Variants in RBFOX1 observed in about 807,000 individuals in gnomAD.
RBFOX1 encodes RNA binding fox-1 homolog 1.
In RBFOX1, 8 loss-of-function variants were observed where a neutral mutation model predicts 57.7. The observed-to-expected ratio is 0.14, with a 90% CI of 0.08 to 0.25. The LOEUF (loss-of-function observed/expected upper bound fraction) is 0.25, where lower values mean the gene tolerates loss of function less well. Ranked by LOEUF, RBFOX1 falls within the 10% of genes least tolerant of loss-of-function variation. RBFOX1 has a pLI of 1.00. For synonymous variants in RBFOX1, 326 were observed against 222.4 expected, an observed-to-expected ratio of 1.47 and a Z score of -4.15; for missense variants, 611 against 548.5, an observed-to-expected ratio of 1.11 and a Z score of -1.14.
intron 3 of RBFOX1, among the ~76,000 whole-genome samples, chr16:6,709,804 G>A (rs1046821638): frequency 2.0e-5 from 3 of 152,088 alleles, no homozygotes; most frequent in African/African-American, 7.2e-5. Flanking sequence ...GTATCTTGGA[G>A]GCAGAGAGCT....
At chr16:5,632,108 C>T (rs2048529627) in intron 3 of RBFOX1, among the ~76,000 whole-genome samples, 1 of 152,172 alleles carries the variant, frequency 6.6e-6, no homozygotes, top group African/African-American at 2.4e-5. Flanking sequence ...TCTGTGTGTG[C>T]CCAGAAGAGG....
intron 3 of RBFOX1, among the ~76,000 whole-genome samples, chr16:6,822,382 T>C (rs1190075818): frequency 1.3e-5 from 2 of 152,352 alleles, no homozygotes; most frequent in Admixed American, 6.5e-5. Context: ...AGAATTTGGC[T>C]GTCAGGGGAG....
intron 1 of RBFOX1, among the ~76,000 whole-genome samples, chr16:5,264,776 C>G (rs2062818006): frequency 2.6e-5 from 4 of 152,190 alleles, no homozygotes; most frequent in Admixed American, 1.3e-4. Flanking sequence ...ACAGGGCTCT[C>G]TAGCATTCTT....
At chr16:6,310,010 C>G (rs1159526010) in intron 1 of RBFOX1, among the ~76,000 whole-genome samples, 2 of 152,096 alleles carry the variant, frequency 1.3e-5, no homozygotes, top group Non-Finnish European at 2.9e-5. Context: ...GCCTCAGCCT[C>G]CCGAGGAGCT....
intron 4 of RBFOX1, among the ~76,000 whole-genome samples, chr16:7,054,474 C>G (rs2051352588): frequency 6.8e-6 from 1 of 147,834 alleles, no homozygotes; most frequent in Non-Finnish European, 1.5e-5. Context: ...ATCTCCTGAC[C>G]TCGTGATCCG....
At chr16:6,741,770 C>G (rs558275355) in intron 3 of RBFOX1, among the ~76,000 whole-genome samples, 4 of 151,938 alleles carry the variant, frequency 2.6e-5, no homozygotes, top group South Asian at 4.2e-4. Context: ...AATTTCATAT[C>G]TAATAAAGAA....
intron 1 of RBFOX1, among the ~76,000 whole-genome samples, chr16:5,351,824 A>G (rs1375679858): frequency 1.3e-5 from 2 of 152,080 alleles, no homozygotes; most frequent in Non-Finnish European, 2.9e-5. Flanking sequence ...AATTTTTGAG[A>G]CAGAGTTTCA....
At chr16:6,971,372 A>G (rs1370067081) in intron 3 of RBFOX1, among the ~76,000 whole-genome samples, 2 of 152,072 alleles carry the variant, frequency 1.3e-5, no homozygotes, top group East Asian at 3.9e-4. Flanking sequence ...GACTCAGCCT[A>G]AAGTGGGGAG....
intron 1 of RBFOX1, among the ~76,000 whole-genome samples, chr16:6,073,295 G>C (rs927746095): frequency 1.3e-5 from 2 of 152,132 alleles, no homozygotes; most frequent in Non-Finnish European, 2.9e-5. Context: ...TGGTGTAAAA[G>C]GAATTGAGGT....
At chr16:6,592,208 G>C (rs2097720979) in intron 2 of RBFOX1, among the ~76,000 whole-genome samples, 1 of 152,120 alleles carries the variant, frequency 6.6e-6, no homozygotes, top group African/African-American at 2.4e-5. Flanking sequence ...TCAGAAAATT[G>C]AAAGAATAAT....
At chr16:7,443,818 A>G (rs2098788472) in intron 4 of RBFOX1, among the ~76,000 whole-genome samples, 2 of 152,164 alleles carry the variant, frequency 1.3e-5, no homozygotes, top group African/African-American at 4.8e-5. Context: ...GTACAGACAG[A>G]TGAACTATTT....
intron 3 of RBFOX1, among the ~76,000 whole-genome samples, chr16:5,676,060 G>A (rs2151426523): frequency 6.6e-6 from 1 of 152,208 alleles, no homozygotes; most frequent in African/African-American, 2.4e-5. Context: ...TGGTGATCGG[G>A]AGGGAACGTC....
chr16:6,452,392 C>G (rs1172111948), intron 2 of RBFOX1, among the ~76,000 whole-genome samples: 1 of 151,374 alleles, frequency 6.6e-6, no homozygotes, highest in South Asian at 2.1e-4. Flanking sequence ...TGTCTCTTTT[C>G]CTTCCATAAC....
At chr16:5,656,186 G>A (rs1175238738) in intron 3 of RBFOX1, among the ~76,000 whole-genome samples, 1 of 152,140 alleles carries the variant, frequency 6.6e-6, no homozygotes, top group Non-Finnish European at 1.5e-5. Context: ...CATGTGTGTA[G>A]GCAAATCATT....
chr16:6,614,698 G>A (rs2098118341), intron 2 of RBFOX1, among the ~76,000 whole-genome samples: 1 of 151,994 alleles, frequency 6.6e-6, no homozygotes, highest in Non-Finnish European at 1.5e-5. Context: ...GTGTTCCTCG[G>A]CTTATGGGTC....
chr16:5,299,657 G>A (rs949176571), intron 1 of RBFOX1, among the ~76,000 whole-genome samples: 2 of 152,176 alleles, frequency 1.3e-5, no homozygotes, highest in African/African-American at 4.8e-5. Flanking sequence ...TTCATATCTA[G>A]AAATATTTGT....
intron 5 of RBFOX1, among the ~76,000 whole-genome samples, chr16:7,542,570 T>C (rs886457724): frequency 2.0e-5 from 3 of 150,948 alleles, no homozygotes; most frequent in Non-Finnish European, 4.4e-5. Context: ...AATAGAGGGA[T>C]GGGGCCGGGT....
At chr16:7,053,009 T>C (rs951920096) in intron 4 of RBFOX1, among the ~76,000 whole-genome samples, 2 of 152,210 alleles carry the variant, frequency 1.3e-5, no homozygotes, top group Non-Finnish European at 2.9e-5. Flanking sequence ...AGGAAACTCC[T>C]GTGCCCAAAG....
At chr16:7,080,491 T>C (rs4399549) in intron 4 of RBFOX1, among the ~76,000 whole-genome samples, 89,153 of 151,986 alleles carry the variant, frequency 0.59, 29,460 homozygotes, top group East Asian at 0.9. Context: ...AGGGAATGTG[T>C]GTTTTTCCCC....
Sources: gnomAD v4.1 joint callset for allele counts (sites outside exome capture counted in the v4.1 genomes callset) on GRCh38, gnomAD v4.1.1 for gene constraint, MANE v1.5 for transcripts, NCBI Gene and HGNC (gene_info 2026-07-23, HGNC 2026-07-21) for gene names.